DGLUCY: variants seen among roughly 807,000 people sequenced by gnomAD.
The protein encoded by DGLUCY is D-glutamate cyclase, also known as D-glutamate cyclase, mitochondrial.
Under a neutral mutation model 58.5 loss-of-function variants are expected in DGLUCY, and 58 were observed. The ratio of observed to expected loss-of-function variants is 0.99; its 90% CI spans 0.80 to 1.23. The LOEUF is 1.23. Among genes scored for constraint, DGLUCY ranks in the 50% most tolerant of loss-of-function variants. The pLI, the probability that DGLUCY is intolerant of heterozygous loss-of-function variation, is 0.00. For synonymous variants in DGLUCY, 325 were observed against 314.1 expected (o/e 1.03, Z -0.37); for missense variants, 779 against 784.7 (o/e 0.99, Z 0.09).
chr14:91,198,117 A>T (rs1045973733), intron 10 of DGLUCY, among the ~76,000 whole-genome samples: 1 of 152,194 alleles, frequency 6.6e-6, no homozygotes, highest in African/African-American at 2.4e-5. Context: ...ATCTTGGCTC[A>T]CTGCAGCCTC....
intron 5 of DGLUCY, among the ~76,000 whole-genome samples, chr14:91,171,356 T>TA (rs371196164): frequency 4.8e-4 from 73 of 152,314 alleles, no homozygotes; most frequent in Middle Eastern, 6.8e-3. Context: ...AAGGTGCAAG[T>TA]AAGTGTCCAC....
At chr14:91,164,163 T>A (rs536211030) in intron 3 of DGLUCY, among the ~76,000 whole-genome samples, 76 of 152,252 alleles carry the variant, frequency 5.0e-4, no homozygotes, top group Non-Finnish European at 9.7e-4. Flanking sequence ...TTGGCCAGGC[T>A]GGTCTCGAAC....
At chr14:91,157,063 G>GTGGATGGATGGATGGA (rs146037809) in intron 1 of DGLUCY, among the ~76,000 whole-genome samples, 1 of 149,384 alleles carries the variant, frequency 6.7e-6, no homozygotes, top group African/African-American at 2.5e-5. Flanking sequence ...GGGTGAGTGG[G>GTGGATGGATGGATGGA]TGGATGGATG....
chr14:91,169,592 T>C (rs190529262), intron 4 of DGLUCY, among the ~76,000 whole-genome samples: 3 of 152,134 alleles, frequency 2.0e-5, no homozygotes, highest in Admixed American at 2.0e-4. Context: ...GTATTTTTAG[T>C]ATAGACGGGG....
At chr14:91,092,663 G>C (rs559688555) in intron 1 of DGLUCY, among the ~76,000 whole-genome samples, 1 of 152,280 alleles carries the variant, frequency 6.6e-6, no homozygotes, top group East Asian at 1.9e-4. Flanking sequence ...TGCTGTAACG[G>C]TATAATAGAG....
chr14:91,104,433 A>G (rs1430913279), upstream of DGLUCY, among the ~76,000 whole-genome samples: 2 of 152,136 alleles, frequency 1.3e-5, no homozygotes, highest in East Asian at 3.8e-4. Flanking sequence ...GGCCAGGGAT[A>G]CTGCTGAACA....
intron 13 of DGLUCY, chr14:91,223,753 G>T: frequency 1.6e-6 from 2 of 1,271,630 alleles, no homozygotes; most frequent in Non-Finnish European, 2.0e-6. Context: ...CTCATTTTGT[G>T]AATGCCTGTT....
At chr14:91,108,813 C>T (rs867332141) in intron 1 of DGLUCY, among the ~76,000 whole-genome samples, 2 of 152,176 alleles carry the variant, frequency 1.3e-5, no homozygotes, top group African/African-American at 4.8e-5. Context: ...GCTGGGATTA[C>T]AGGCATGAGC....
At position 91,170,178 on chromosome 14, in the gene DGLUCY, CACAGCCAGGCG is replaced by C. The variant is rs1282714057; in HGVS notation, c.434_444del (p.His145ArgfsTer44). 6.2e-7 allele frequency: 1 copy of C among 1,613,770 alleles called. No individual in the cohort carries two copies. The highest frequency in any genetic ancestry group is 1.7e-5 in the Admixed American group (1 of 60,020). The stretch of plus-strand genomic sequence containing the variant: ...GCTCCCCAGAAGAGACCCAGCAGGT[CACAGCCAGGCG>C]GGTGCATACAAGGTAGGGACACAGC... On this transcript the variant is annotated frameshift_variant, in exon 5 of 14. Coordinates refer to ENST00000256324, the MANE Select transcript of DGLUCY (RefSeq NM_001102368.3). LOFTEE classifies it high-confidence loss of function.
intron 10 of DGLUCY, among the ~76,000 whole-genome samples, chr14:91,197,946 A>G (rs933028870): frequency 6.6e-6 from 1 of 152,150 alleles, no homozygotes; most frequent in Non-Finnish European, 1.5e-5. Flanking sequence ...TTCTATTTTT[A>G]ATTTTTTGAG....
intron 1 of DGLUCY, among the ~76,000 whole-genome samples, chr14:91,092,941 G>A (rs765082021): frequency 1.1e-4 from 16 of 151,914 alleles, no homozygotes; most frequent in Non-Finnish European, 1.5e-4. Flanking sequence ...AAAATTAGCC[G>A]AGCATGGTGG....
chr14:91,060,930 G>A (rs2043654140), intron 1 of DGLUCY: 1 of 153,184 alleles, frequency 6.5e-6, no homozygotes, highest in South Asian at 2.0e-4. Flanking sequence ...CGCACTCGCA[G>A]TCAAGACCTT....
At chr14:91,123,053 C>T (rs1404101248) in intron 1 of DGLUCY, among the ~76,000 whole-genome samples, 2 of 152,130 alleles carry the variant, frequency 1.3e-5, no homozygotes, top group Admixed American at 1.3e-4. Context: ...AGACAGGCAC[C>T]TGAGCCACAG....
intron 1 of DGLUCY, among the ~76,000 whole-genome samples, chr14:91,100,881 G>GGTGT (rs2044474615): frequency 6.6e-6 from 1 of 152,060 alleles, no homozygotes; most frequent in African/African-American, 2.4e-5. Context: ...GACCAGCCTG[G>GGTGT]CCAACATGGT....
rs775095785 is a variant in DGLUCY, at chr14:91,170,223, C to T, written c.456+22C>T. 3 of 1,606,654 alleles carry T rather than the reference C, an allele frequency of 1.9e-6. No homozygotes were observed. The Admixed American group carries it at 5.0e-5, about 27-fold the overall frequency. On this transcript the variant is annotated intron_variant, in intron 5 of 13. Transcript: ENST00000256324. ...CAAGGTAGGGACACAGCCCACAGCCCACAAGGGCAGAATGGCCTGAAGATG... is the reference window on the plus strand; with the variant it reads ...CAAGGTAGGGACACAGCCCACAGCCTACAAGGGCAGAATGGCCTGAAGATG...
intron 1 of DGLUCY, among the ~76,000 whole-genome samples, chr14:91,147,610 G>T (rs182802794): frequency 1.3e-5 from 2 of 152,306 alleles, no homozygotes; most frequent in East Asian, 3.9e-4. Context: ...CCAATTTCAT[G>T]TCTTCTGAAA....
intron 9 of DGLUCY, among the ~76,000 whole-genome samples, chr14:91,190,472 C>T (rs1405197123): frequency 1.3e-5 from 2 of 152,030 alleles, no homozygotes; most frequent in African/African-American, 2.4e-5. Context: ...AGGGGCTGGG[C>T]GGTGGCAGCA....
intron 1 of DGLUCY, among the ~76,000 whole-genome samples, chr14:91,119,101 TAGA>T: frequency 6.6e-6 from 1 of 152,184 alleles, no homozygotes; most frequent in African/African-American, 2.4e-5. Flanking sequence ...TCAAAAAGGG[TAGA>T]AGATTTTTCC....
chr14:91,205,144 T>C (rs1359499667), intron 12 of DGLUCY, among the ~76,000 whole-genome samples: 1 of 152,054 alleles, frequency 6.6e-6, no homozygotes, highest in African/African-American at 2.4e-5. Context: ...AATAAGAGCT[T>C]TGGGGGCGAT....
Sources: gnomAD v4.1 joint callset for allele counts (sites outside exome capture counted in the v4.1 genomes callset) on GRCh38, gnomAD v4.1.1 for gene constraint, MANE v1.5 for transcripts, NCBI Gene and HGNC (gene_info 2026-07-23, HGNC 2026-07-21) for gene names.